Variants in RGPD2 observed in about 807,000 individuals in gnomAD.
RGPD2 encodes the protein RANBP2-like and GRIP domain-containing protein 2.
RGPD2 carries 2 observed loss-of-function variants against 36.0 expected under a neutral mutation model. That is an observed-to-expected ratio of 0.06 (90% CI 0.02 to 0.17). The LOEUF (loss-of-function observed/expected upper bound fraction) is 0.17, where lower values mean the gene tolerates loss of function less well. Ranked by LOEUF, RGPD2 falls within the 10% of genes least tolerant of loss-of-function variation. The pLI, the probability that RGPD2 is intolerant of heterozygous loss-of-function variation, is 1.00. For missense variants in RGPD2, 40 were observed against 464.3 expected, an observed-to-expected ratio of 0.09 and a Z score of 8.40; for synonymous variants, 19 against 163.8, an observed-to-expected ratio of 0.12 and a Z score of 6.75.
chr2:87,815,160 A>C (rs1267180671), intron 4 of RGPD2, among the ~76,000 whole-genome samples: 1 of 147,944 alleles, frequency 6.8e-6, no homozygotes, highest in Non-Finnish European at 1.5e-5. Flanking sequence ...ATACATACAC[A>C]TTGTACCAAT....
the RGPD2 span, among the ~76,000 whole-genome samples, chr2:87,930,430 G>C: frequency 2.0e-5 from 3 of 152,086 alleles, no homozygotes; most frequent in African/African-American, 7.2e-5. Flanking sequence ...ACTTGATCGT[G>C]GTGGATAAGC....
chr2:87,881,498 G>T, the RGPD2 span, among the ~76,000 whole-genome samples: 2 of 151,050 alleles, frequency 1.3e-5, no homozygotes. Context: ...TTTACTCTGT[G>T]CACCTGCAAG....
the RGPD2 span, among the ~76,000 whole-genome samples, chr2:87,831,305 G>A: frequency 1.3e-5 from 2 of 152,050 alleles, no homozygotes; most frequent in Non-Finnish European, 2.9e-5. Context: ...TGGACACAGT[G>A]TAAGGAAAAT....
the RGPD2 span, among the ~76,000 whole-genome samples, chr2:87,956,394 T>C: frequency 6.6e-6 from 1 of 151,766 alleles, no homozygotes; most frequent in Non-Finnish European, 1.5e-5. Context: ...TTTATATATA[T>C]GTTGTATTTA....
chr2:87,936,285 C>A, the RGPD2 span, among the ~76,000 whole-genome samples: 165 of 151,652 alleles, frequency 1.1e-3, no homozygotes, highest in African/African-American at 3.8e-3. Context: ...GACTACAGAG[C>A]GCAGAGTTGC....
At chr2:87,961,375 G>T in the RGPD2 span, among the ~76,000 whole-genome samples, 3 of 151,864 alleles carry the variant, frequency 2.0e-5, no homozygotes, top group South Asian at 2.1e-4. Context: ...AGCTGCACTC[G>T]GCCGGGCTCT....
the RGPD2 span, among the ~76,000 whole-genome samples, chr2:87,835,128 A>C: frequency 7.1e-6 from 1 of 141,328 alleles, no homozygotes; most frequent in African/African-American, 2.6e-5. Context: ...AACAACCAAA[A>C]TTAAAAGCTT....
chr2:87,825,610 C>CGCCGCCCGGCCAGGTCGAGGCA (rs1235379820), intron 1 of RGPD2, 48 bp downstream of exon 1: 1 of 1,430,442 alleles, frequency 7.0e-7, no homozygotes, highest in African/African-American at 1.5e-5. Context: ...AGGTCGAGGC[C>CGCCGCCCGGCCAGGTCGAGGCA]GCCGCCCGGC....
At chr2:87,839,356 T>C in the RGPD2 span, among the ~76,000 whole-genome samples, 2 of 152,000 alleles carry the variant, frequency 1.3e-5, no homozygotes, top group Non-Finnish European at 2.9e-5. Flanking sequence ...ATGGCTATTA[T>C]CAAAAAGTCA....
chr2:87,897,975 GT>G, the RGPD2 span, among the ~76,000 whole-genome samples: 3 of 146,944 alleles, frequency 2.0e-5, no homozygotes, highest in African/African-American at 7.6e-5. Context: ...TTTCTCCTAT[GT>G]TTTTCTTTTA....
the RGPD2 span, among the ~76,000 whole-genome samples, chr2:87,915,149 A>G: frequency 6.6e-6 from 1 of 151,728 alleles, no homozygotes; most frequent in African/African-American, 2.4e-5. Flanking sequence ...CTCCGTCTCA[A>G]AAAAAATAAA....
At chr2:87,915,006 G>C in the RGPD2 span, among the ~76,000 whole-genome samples, 1 of 151,922 alleles carries the variant, frequency 6.6e-6, no homozygotes, top group Non-Finnish European at 1.5e-5. Flanking sequence ...AATTAGCGAG[G>C]CATGGTGGCG....
the RGPD2 span, among the ~76,000 whole-genome samples, chr2:87,978,007 C>T: frequency 2.0e-5 from 3 of 149,148 alleles, no homozygotes; most frequent in Non-Finnish European, 4.5e-5. Flanking sequence ...ATCCCAGCTA[C>T]TCGGGAGGCT....
At chr2:87,869,048 TAATC>T in the RGPD2 span, among the ~76,000 whole-genome samples, 2 of 152,286 alleles carry the variant, frequency 1.3e-5, no homozygotes, top group South Asian at 4.1e-4. Context: ...ATGAATCACT[TAATC>T]AATTGTCCCA....
At chr2:87,825,515 CGCCGCCCGGCCGAGGCCGAGGCCGAG>C in intron 1 of RGPD2, 117 bp downstream of exon 1, 2 of 393,004 alleles carry the variant, frequency 5.1e-6, no homozygotes, top group East Asian at 2.2e-4. Flanking sequence ...AGGCCGAGGC[CGCCGCCCGGCCGAGGCCGAGGCCGAG>C]GCCGCCGCCC....
chr2:87,921,967 A>C, the RGPD2 span, among the ~76,000 whole-genome samples: 1 of 150,690 alleles, frequency 6.6e-6, no homozygotes, highest in Non-Finnish European at 1.5e-5. Flanking sequence ...AGGTGATGTA[A>C]GTAGATCAGC....
chr2:87,885,326 C>A, the RGPD2 span, among the ~76,000 whole-genome samples: 1 of 152,052 alleles, frequency 6.6e-6, no homozygotes, highest in Admixed American at 6.6e-5. Context: ...AGTCTATTAA[C>A]AAATTAGGTA....
Position 87,780,534 on chromosome 2 carries a change from T to TA in RGPD2, c.4900+1589dup, listed in dbSNP as rs1236388071. Among the ~76,000 whole-genome samples, 351 of 151,750 alleles carry TA rather than the reference T, an allele frequency of 2.3e-3. 3 individuals are homozygous for TA. Among genetic ancestry groups the TA allele is most frequent in the African/African-American group, 3.5e-3 (143 of 41,302 alleles). On this transcript the variant is annotated intron_variant, in intron 20 of 22. Coordinates refer to ENST00000398146, the MANE Select transcript of RGPD2 (RefSeq NM_001078170.3). ...TAGCTGGTAATAAAACTGGTATACT[T>TA]AAAAAAAAATCAGAGATTGTTATTT...
chr2:87,882,456 G>A, the RGPD2 span, among the ~76,000 whole-genome samples: 59 of 152,304 alleles, frequency 3.9e-4, no homozygotes, highest in East Asian at 1.7e-3. Context: ...ATTAATCAAC[G>A]TGTCTATTTT....
Sources: gnomAD v4.1 joint callset for allele counts (sites outside exome capture counted in the v4.1 genomes callset) on GRCh38, gnomAD v4.1.1 for gene constraint, MANE v1.5 for transcripts, NCBI Gene and HGNC (gene_info 2026-07-23, HGNC 2026-07-21) for gene names.